OSTF1: variants seen among roughly 807,000 people sequenced by gnomAD.
OSTF1 encodes osteoclast-stimulating factor 1.
OSTF1 carries 27 observed loss-of-function variants against 37.2 expected under a neutral mutation model. That is an observed-to-expected ratio of 0.73 (90% CI 0.54 to 1.00). The LOEUF (loss-of-function observed/expected upper bound fraction) is 1.00, where lower values mean the gene tolerates loss of function less well. OSTF1 is among the 50% of genes least tolerant of loss of function. OSTF1 has a pLI of 0.00. For synonymous variants in OSTF1, 82 were observed against 89.2 expected, an observed-to-expected ratio of 0.92 and a Z score of 0.46; for missense variants, 232 against 253.8, an observed-to-expected ratio of 0.91 and a Z score of 0.58.
chr9:75,120,166 C>T (rs1375198815), intron 2 of OSTF1, among the ~76,000 whole-genome samples: 1 of 152,080 alleles, frequency 6.6e-6, no homozygotes, highest in African/African-American at 2.4e-5. Context: ...CCCCCATAAG[C>T]CCATCGTAAA....
At chr9:75,141,125 C>T (rs1333265357) in intron 9 of OSTF1, among the ~76,000 whole-genome samples, 193 bp downstream of exon 9, 1 of 151,780 alleles carries the variant, frequency 6.6e-6, no homozygotes, top group Non-Finnish European at 1.5e-5. Flanking sequence ...AAAGTGAGAC[C>T]TCTGTCTCTA....
intron 9 of OSTF1, among the ~76,000 whole-genome samples, chr9:75,144,879 CTTTA>C (rs1315474408): frequency 2.0e-5 from 3 of 152,036 alleles, no homozygotes; most frequent in African/African-American, 4.8e-5. Flanking sequence ...AGATATGTCT[CTTTA>C]TTTATTTTTT....
At chr9:75,143,698 A>G (rs1210853944) in intron 9 of OSTF1, among the ~76,000 whole-genome samples, 1 of 152,194 alleles carries the variant, frequency 6.6e-6, no homozygotes, top group Non-Finnish European at 1.5e-5. Context: ...GATTTGAGAT[A>G]TGTAAAGCCA....
At chr9:75,125,157 A>G (rs1825641894) in intron 2 of OSTF1, among the ~76,000 whole-genome samples, 1 of 152,148 alleles carries the variant, frequency 6.6e-6, no homozygotes, top group African/African-American at 2.4e-5. Flanking sequence ...TCTAAAGGTG[A>G]GAGAGTCAGA....
At chr9:75,126,177 A>G (rs929004751) in intron 2 of OSTF1, among the ~76,000 whole-genome samples, 1 of 152,154 alleles carries the variant, frequency 6.6e-6, no homozygotes, top group Non-Finnish European at 1.5e-5. Flanking sequence ...AGCCTCCCAA[A>G]GTGCAGGAAT....
chr9:75,144,801 T>C (rs1372146041), intron 9 of OSTF1, among the ~76,000 whole-genome samples: 1 of 152,228 alleles, frequency 6.6e-6, no homozygotes, highest in Non-Finnish European at 1.5e-5. Context: ...TACATCTTTG[T>C]TTTTACTTAT....
chr9:75,108,818 C>G (rs1175606544), intron 1 of OSTF1, among the ~76,000 whole-genome samples: 1 of 152,016 alleles, frequency 6.6e-6, no homozygotes, highest in Non-Finnish European at 1.5e-5. Context: ...AGAGCTAGCG[C>G]AAGAACATCT....
intron 1 of OSTF1, among the ~76,000 whole-genome samples, chr9:75,096,048 C>A (rs1165510092): frequency 6.6e-6 from 1 of 152,142 alleles, no homozygotes; most frequent in East Asian, 1.9e-4. Context: ...CCCGCCACCA[C>A]GCCTGGCTAA....
intron 8 of OSTF1, among the ~76,000 whole-genome samples, 180 bp downstream of exon 8, chr9:75,137,796 G>A (rs1185403741): frequency 1.3e-5 from 2 of 152,184 alleles, no homozygotes; most frequent in African/African-American, 4.8e-5. Flanking sequence ...GGGTTGGTTT[G>A]TGTTAGTTTT....
chr9:75,145,668 AAAT>A (rs1372273594), intron 9 of OSTF1, among the ~76,000 whole-genome samples: 1 of 152,214 alleles, frequency 6.6e-6, no homozygotes, highest in Non-Finnish European at 1.5e-5. Flanking sequence ...AGAGGTTTTA[AAAT>A]AATAAGCTGG....
chr9:75,125,506 G>A (rs1825647750), intron 2 of OSTF1, among the ~76,000 whole-genome samples: 1 of 152,140 alleles, frequency 6.6e-6, no homozygotes, highest in South Asian at 2.1e-4. Context: ...ATATCAAAAT[G>A]TGTATTACAA....
chr9:75,130,586 C>T lies in OSTF1; in HGVS notation c.141C>T (p.Thr47=), dbSNP rs1564166191. 6.2e-7 allele frequency: 1 copy of T among 1,606,408 alleles called. No homozygotes were observed. The highest frequency in any genetic ancestry group is 1.3e-5 in the African/African-American group (1 of 74,860). ...DIIYITDMSD[T]NWWKGTSKGR... is the part of the protein sequence containing the mutation. Reference sequence around the variant, plus strand: ...AACTCTTCTTTTACCAGAGCGATACCAATTGGTGGAAAGGCACCTCCAAAG... The same window carrying T: ...AACTCTTCTTTTACCAGAGCGATACTAATTGGTGGAAAGGCACCTCCAAAG... The change falls in exon 4 of 10, where the codon ACC becomes ACT. Residue 47 remains threonine (T), a synonymous_variant. Transcript: ENST00000346234.
chr9:75,095,613 A>G (rs1825062294), intron 1 of OSTF1, among the ~76,000 whole-genome samples: 1 of 152,224 alleles, frequency 6.6e-6, no homozygotes, highest in South Asian at 2.1e-4. Context: ...CTTCTTTCAG[A>G]GAAGTCAAGG....
Position 75,128,581 on chromosome 9 carries a change from CATATATATAT to C in OSTF1, c.132+979_132+988del, listed in dbSNP as rs57516721. Among the ~76,000 whole-genome samples the C allele has an allele frequency of 9.5e-4, 2 of 2,102 alleles. 1 individual carries two copies. Among genetic ancestry groups the C allele is most frequent in the African/African-American group, 4.5e-3 (2 of 444 alleles). The allele number at this position is 2,102 out of a possible 152,430, so 1.4% of individuals were successfully genotyped here. On this transcript the variant is annotated intron_variant, in intron 3 of 9. Transcript: ENST00000346234. ...TATATATATATATATATATTTTGTC[CATATATATAT>C]ATATATATATATATATTTTGTCCAT...
At chr9:75,099,684 C>T (rs1362147922) in intron 1 of OSTF1, among the ~76,000 whole-genome samples, 1 of 152,154 alleles carries the variant, frequency 6.6e-6, no homozygotes, top group East Asian at 1.9e-4. Flanking sequence ...AACAAATTAG[C>T]CGGGTGTGGT....
intron 4 of OSTF1, 116 bp from the exon 5 acceptor site, chr9:75,131,654 C>G (rs1825762217): frequency 4.1e-6 from 3 of 728,018 alleles, no homozygotes; most frequent in Non-Finnish European, 5.0e-6. Context: ...GTAAAGGAAA[C>G]TGTGTTGAAT....
chr9:75,120,029 G>T (rs1564161786), intron 2 of OSTF1, among the ~76,000 whole-genome samples: 1 of 151,670 alleles, frequency 6.6e-6, no homozygotes, highest in Non-Finnish European at 1.5e-5. Context: ...TTTTAACTTA[G>T]TTAACTCTAA....
intron 9 of OSTF1, among the ~76,000 whole-genome samples, chr9:75,145,799 G>A (rs1587484680): frequency 6.6e-6 from 1 of 152,124 alleles, no homozygotes; most frequent in Admixed American, 6.5e-5. Context: ...TTGGCTAGTG[G>A]AGGCCTCTTT....
intron 2 of OSTF1, among the ~76,000 whole-genome samples, chr9:75,120,822 A>G (rs904091753): frequency 2.0e-5 from 3 of 152,160 alleles, no homozygotes; most frequent in Non-Finnish European, 2.9e-5. Context: ...TTCTTGAACT[A>G]TCCCATCTAG....
Sources: allele counts gnomAD v4.1 joint callset (sites outside exome capture counted in the v4.1 genomes callset), GRCh38; gene constraint gnomAD v4.1.1; transcripts MANE v1.5; gene names NCBI Gene and HGNC (gene_info 2026-07-23, HGNC 2026-07-21).